Variants in NUMB observed in about 807,000 individuals in gnomAD.
NUMB encodes the protein NUMB endocytic adaptor protein, also known as protein numb homolog.
NUMB carries 29 observed loss-of-function variants against 59.7 expected under a neutral mutation model. That is an observed-to-expected ratio of 0.49 (90% confidence interval 0.36 to 0.66). The LOEUF is 0.66. Among genes scored for constraint, NUMB ranks in the 30% least tolerant of loss-of-function variants. The pLI is 0.00. For missense variants in NUMB, 723 were observed against 822.0 expected (o/e 0.88, Z 1.47); for synonymous variants, 288 against 288.2 (o/e 1.00, Z 0.01).
chr14:73,385,190 G>T (rs1309261966), intron 2 of NUMB, among the ~76,000 whole-genome samples: 2 of 151,484 alleles, frequency 1.3e-5, no homozygotes, highest in Non-Finnish European at 2.9e-5. Flanking sequence ...TAGAGACAGG[G>T]TCTCACTTGG....
chr14:73,295,553 C>G (rs2139841273), intron 7 of NUMB, among the ~76,000 whole-genome samples: 1 of 152,144 alleles, frequency 6.6e-6, no homozygotes, highest in South Asian at 2.1e-4. Context: ...AAGACTATTG[C>G]TTCTCTTGAA....
chr14:73,405,657 G>A (rs539572085), intron 2 of NUMB, among the ~76,000 whole-genome samples: 1 of 152,056 alleles, frequency 6.6e-6, no homozygotes, highest in South Asian at 2.1e-4. Flanking sequence ...CCATGGTGGG[G>A]GCAGCAGCAA....
chr14:73,400,780 G>A (rs894070964), intron 2 of NUMB, among the ~76,000 whole-genome samples: 7 of 152,314 alleles, frequency 4.6e-5, no homozygotes, highest in Non-Finnish European at 7.4e-5. Context: ...GAGAGCTTCC[G>A]GATAGATGAA....
chr14:73,412,331 G>C (rs1896933735), intron 1 of NUMB, among the ~76,000 whole-genome samples: 1 of 151,994 alleles, frequency 6.6e-6, no homozygotes, highest in South Asian at 2.1e-4. Flanking sequence ...ATTTTTTAAA[G>C]AGATGAGGGG....
intron 1 of NUMB, among the ~76,000 whole-genome samples, chr14:73,455,456 A>T (rs932278241): frequency 1.3e-5 from 2 of 152,242 alleles, no homozygotes; most frequent in African/African-American, 4.8e-5. Flanking sequence ...TAGGTTCCTC[A>T]AACAAGTTAA....
intron 2 of NUMB, among the ~76,000 whole-genome samples, chr14:73,383,211 C>A (rs550372115): frequency 6.6e-6 from 1 of 152,218 alleles, no homozygotes; most frequent in African/African-American, 2.4e-5. Flanking sequence ...AATTACCACA[C>A]ACAGACTTTA....
chr14:73,277,277 T>A lies in NUMB; in HGVS notation c.1257A>T (p.Gln419His). ...GACCTGGAGAGGCAGCACCAGAAGA[T>A]TGACCCCACTCGGTCCCTGGAACCA... ...AATCSGTEWG[Q>H]SSGAASPGLF... Residue 419 changes from glutamine (Q) to histidine (H), a missense_variant, in exon 13 of 13, where the codon CAA becomes CAT. Coordinates refer to ENST00000555238, the MANE Select transcript of NUMB (RefSeq NM_001005743.2). 6.3e-7 allele frequency: 1 copy of A among 1,599,992 alleles called. No individual in the cohort carries two copies. The highest frequency in any genetic ancestry group is 8.6e-7 in the Non-Finnish European group (1 of 1,168,624).
chr14:73,345,658 C>G (rs1892879764), intron 4 of NUMB, among the ~76,000 whole-genome samples: 1 of 152,052 alleles, frequency 6.6e-6, no homozygotes, highest in South Asian at 2.1e-4. Flanking sequence ...AGCCTGTAAT[C>G]CCAGCACTTT....
intron 5 of NUMB, among the ~76,000 whole-genome samples, chr14:73,319,444 A>C (rs1285262186): frequency 8.5e-5 from 13 of 152,200 alleles, no homozygotes; most frequent in Admixed American, 8.5e-4. Context: ...TTAAAATTTT[A>C]AACTCTGGCA....
At chr14:73,385,044 C>CCA (rs1360845948) in intron 2 of NUMB, among the ~76,000 whole-genome samples, 1 of 151,942 alleles carries the variant, frequency 6.6e-6, no homozygotes, top group Non-Finnish European at 1.5e-5. Flanking sequence ...CAGGCATGAG[C>CCA]CACCATGCCT....
chr14:73,433,686 C>T (rs1256472648), intron 1 of NUMB, among the ~76,000 whole-genome samples: 2 of 152,128 alleles, frequency 1.3e-5, no homozygotes, highest in African/African-American at 4.8e-5. Context: ...AGTTTGTCCA[C>T]GGTCTGTTAA....
chr14:73,313,330 G>A (rs997912133), intron 6 of NUMB, among the ~76,000 whole-genome samples: 3 of 151,510 alleles, frequency 2.0e-5, no homozygotes, highest in South Asian at 4.2e-4. Context: ...GTGAATAAAT[G>A]TAAGAAAATG....
At chr14:73,435,880 G>A (rs996584686) in intron 1 of NUMB, among the ~76,000 whole-genome samples, 3 of 151,646 alleles carry the variant, frequency 2.0e-5, no homozygotes, top group Admixed American at 1.3e-4. Flanking sequence ...GGTAGTGCAC[G>A]CCTATAATCC....
intron 1 of NUMB, among the ~76,000 whole-genome samples, chr14:73,457,159 T>G (rs991019746): frequency 6.6e-6 from 1 of 152,152 alleles, no homozygotes; most frequent in African/African-American, 2.4e-5. Flanking sequence ...TCAAAACTTC[T>G]TTTCACTTTA....
intron 4 of NUMB, among the ~76,000 whole-genome samples, chr14:73,351,671 G>A (rs1318670308): frequency 6.6e-6 from 1 of 151,824 alleles, no homozygotes; most frequent in Non-Finnish European, 1.5e-5. Context: ...CCGTTGAACT[G>A]TACACTTAAA....
At chr14:73,400,645 G>T (rs1219704398) in intron 2 of NUMB, among the ~76,000 whole-genome samples, 3 of 152,168 alleles carry the variant, frequency 2.0e-5, no homozygotes, top group African/African-American at 4.8e-5. Context: ...ATGATAAGAG[G>T]GTTGCCCCCA....
chr14:73,304,120 CGAA>C (rs1436207884), intron 6 of NUMB, among the ~76,000 whole-genome samples: 1 of 151,844 alleles, frequency 6.6e-6, no homozygotes, highest in Non-Finnish European at 1.5e-5. Context: ...AATCTTAACA[CGAA>C]AAAAATTGGT....
At chr14:73,353,072 G>GCTTTTTTTTTTTTTTTTTTTTT (rs1893521675) in intron 4 of NUMB, among the ~76,000 whole-genome samples, 1 of 58,514 alleles carries the variant, frequency 1.7e-5, no homozygotes, top group Non-Finnish European at 3.3e-5. Flanking sequence ...AGTTTTTCTT[G>GCTTTTTTTTTTTTTTTTTTTTT]TTTTTTTTTT....
chr14:73,400,044 C>CA (rs1555378671), intron 2 of NUMB, among the ~76,000 whole-genome samples: 1 of 149,910 alleles, frequency 6.7e-6, no homozygotes, highest in Non-Finnish European at 1.5e-5. Flanking sequence ...GTCTCAAAAA[C>CA]AAAAACAAAA....
Sources: gnomAD v4.1 joint callset for allele counts (sites outside exome capture counted in the v4.1 genomes callset) on GRCh38, gnomAD v4.1.1 for gene constraint, MANE v1.5 for transcripts, NCBI Gene and HGNC (gene_info 2026-07-23, HGNC 2026-07-21) for gene names.